Variants in SUPT6H observed in about 807,000 individuals in gnomAD.
The protein encoded by SUPT6H is SPT6 homolog, histone chaperone and transcription elongation factor.
Under a neutral mutation model 222.3 loss-of-function variants are expected in SUPT6H, and 11 were observed. That is an observed-to-expected ratio of 0.05 (90% CI 0.03 to 0.08). The LOEUF is 0.08. Ranked by LOEUF, SUPT6H falls within the 10% of genes least tolerant of loss-of-function variation. The pLI is 1.00. For missense variants in SUPT6H, 1,422 were observed against 2,216.0 expected, an observed-to-expected ratio of 0.64 and a Z score of 7.19; for synonymous variants, 762 against 801.2, an observed-to-expected ratio of 0.95 and a Z score of 0.83.
In SUPT6H at chr17:28,682,979, C is replaced by T. The variant is rs145911750; in HGVS notation, c.1765C>T (p.Arg589Cys). 2.2e-5 allele frequency: 36 copies of T among 1,613,218 alleles called. No homozygotes were observed. Among genetic ancestry groups the T allele is most frequent in the Middle Eastern group, 1.6e-4 (1 of 6,078 alleles). ...TCCAGAAGCTGTGCTAGAAGGCGCC[C>T]GCTACATGGTAGCCCTGCAGATTGC... Reference protein sequence around the residue: ...PTPEAVLEGARYMVALQIARE... With the variant: ...PTPEAVLEGACYMVALQIARE... Residue 589 changes from arginine (R) to cysteine (C), a missense_variant, in exon 15 of 37, where the codon CGC (arginine) becomes TGC (cysteine). By Grantham distance (180) the Arg-to-Cys change is radical. This residue lies in a region of SUPT6H where 121 missense variants were observed against 158.0 expected (regional missense o/e 0.77). Coordinates refer to ENST00000314616, the MANE Select transcript of SUPT6H (RefSeq NM_003170.5).
chr17:28,699,346 A>G (rs913258363), intron 32 of SUPT6H, among the ~76,000 whole-genome samples: 7 of 152,168 alleles, frequency 4.6e-5, no homozygotes, highest in African/African-American at 1.2e-4. Context: ...CTTAACAACT[A>G]TCTGCTACTC....
chr17:28,677,078 A>G (rs1034238288), intron 7 of SUPT6H, among the ~76,000 whole-genome samples: 1 of 152,020 alleles, frequency 6.6e-6, no homozygotes, highest in Non-Finnish European at 1.5e-5. Context: ...AAAATGTAAA[A>G]AATTAGCTGG....
chr17:28,683,747 C>T lies in SUPT6H; in HGVS notation c.2160C>T (p.Phe720=), dbSNP rs537916946. Residue 720 remains phenylalanine, a synonymous_variant, in exon 17 of 37, where the codon TTC becomes TTT. Coordinates refer to ENST00000314616, the MANE Select transcript of SUPT6H (RefSeq NM_003170.5). ...CCATCGAACGGGCTTTACAGCAGTT[C>T]CTCTATGTGCAGATGGCCAAAGAAC... The part of the protein sequence containing the change: ...TMAIERALQQ[F]LYVQMAKELK... 4 of 1,614,074 alleles carry T rather than the reference C, an allele frequency of 2.5e-6. No individual in the cohort carries two copies. In the East Asian group the frequency reaches 8.9e-5, roughly 36 times the overall value.
Position 28,683,671 on chromosome 17 carries a change from G to A in SUPT6H, c.2084G>A (p.Arg695Gln). ...YFEEIKQFYY[R>Q]DEFSHQVQEW... ...GAGGAGATAAAACAGTTTTACTACC[G>A]AGATGAGTTCAGCCACCAGGTGCAG... Residue 695 changes from arginine to glutamine, a missense_variant, in exon 17 of 37, where the codon CGA (arginine) becomes CAA (glutamine). Arg to Gln is a conservative substitution (Grantham distance 43, BLOSUM62 1). Transcript: ENST00000314616. The A allele has an allele frequency of 6.2e-7, 1 of 1,614,094 alleles. No homozygotes were observed. The highest frequency in any genetic ancestry group is 8.5e-7 in the Non-Finnish European group (1 of 1,180,018).
chr17:28,673,249 G>C (rs1172482123), intron 1 of SUPT6H, 122 bp from the exon 2 acceptor site: 1 of 597,680 alleles, frequency 1.7e-6, no homozygotes, highest in South Asian at 2.1e-5. Context: ...TTCTCCCCAA[G>C]TGGGAATGTT....
chr17:28,689,693 C>A, intron 25 of SUPT6H, 132 bp downstream of exon 25: 1 of 883,888 alleles, frequency 1.1e-6, no homozygotes, highest in Non-Finnish European at 1.7e-6. Context: ...CATCTCCCTG[C>A]CCTGCTCTAC....
Position 28,675,124 on chromosome 17 carries a change from C to T in SUPT6H, c.500C>T (p.Ala167Val). 6.2e-7 allele frequency: 1 copy of T among 1,613,346 alleles called. No homozygotes were observed. The highest frequency in any genetic ancestry group is 2.2e-5 in the East Asian group (1 of 44,858). ...EGQEAMEAPM[A>V]PPEEEEEDDE... ...CAGGAGGCCATGGAGGCCCCCATGG[C>T]TCCTCCAGAGGAGGAGGAAGAAGAT... The change falls in exon 5 of 37, where the codon GCT becomes GTT. Residue 167 changes from alanine (A) to valine (V), a missense_variant. Coordinates refer to ENST00000314616, the MANE Select transcript of SUPT6H (RefSeq NM_003170.5).
chr17:28,665,637 C>T (rs2029968216), intron 1 of SUPT6H, among the ~76,000 whole-genome samples: 1 of 152,142 alleles, frequency 6.6e-6, no homozygotes, highest in African/African-American at 2.4e-5. Context: ...GTGGTGGGTG[C>T]CTGTAATCCC....
intron 2 of SUPT6H, 26 bp from the exon 3 acceptor site, chr17:28,674,254 TCCA>T (rs777580622): frequency 1.2e-6 from 2 of 1,613,524 alleles, no homozygotes; most frequent in Non-Finnish European, 1.7e-6. Context: ...TTTTTCAGTC[TCCA>T]TGCCTCAAAC....
In SUPT6H at chr17:28,678,293, C is replaced by G. The variant is rs559286873; in HGVS notation, c.1116+101C>G. On this transcript the variant is annotated intron_variant, in intron 9 of 36. Transcript: ENST00000314616. ...GAGGTGGGAGCCCCCTTCCCGTATC[C>G]CCTATCCATGACTCAACAAGTGTTA... 1.8e-5 allele frequency: 19 copies of G among 1,082,872 alleles called. No homozygotes were observed. The South Asian group carries it at 2.5e-4, about 15-fold the overall frequency. The allele number at this position is 1,082,872 out of a possible 1,614,324, so 67.1% of individuals were successfully genotyped here. A position where few individuals can be genotyped will look rare whatever the true frequency, so the allele number is the denominator to read the frequency against.
intron 1 of SUPT6H, among the ~76,000 whole-genome samples, chr17:28,663,985 C>A (rs1023334753): frequency 6.6e-6 from 1 of 151,432 alleles, no homozygotes; most frequent in Admixed American, 6.6e-5. Context: ...TCTACTTTGC[C>A]CACTCCATTG....
intron 32 of SUPT6H, among the ~76,000 whole-genome samples, chr17:28,698,912 CTG>C (rs933797923): frequency 4.6e-5 from 7 of 152,038 alleles, no homozygotes; most frequent in African/African-American, 1.4e-4. Context: ...GGGCTGGAAA[CTG>C]TGTCCTGTGT....
chr17:28,684,874 T>C lies in SUPT6H; in HGVS notation c.2400T>C (p.Asn800=), dbSNP rs1276819197. The C allele has an allele frequency of 5.6e-6, 9 of 1,614,116 alleles. No individual in the cohort carries two copies. The African/African-American group carries it at 9.3e-5, about 17-fold the overall frequency. Reference sequence around the variant, plus strand: ...ACCCTGTGTTCTGCGCCCTGGTCAATGGTGAAGGAGAAGTGACAGACTTCC... The same window carrying C: ...ACCCTGTGTTCTGCGCCCTGGTCAACGGTGAAGGAGAAGTGACAGACTTCC... ...RDHPVFCALV[N]GEGEVTDFLR... is the part of the protein sequence containing the mutation. Residue 800 remains asparagine (N), a synonymous_variant, in exon 19 of 37, where the codon AAT becomes AAC. Transcript: ENST00000314616.
intron 28 of SUPT6H, among the ~76,000 whole-genome samples, chr17:28,694,770 T>G (rs1306011480): frequency 6.6e-6 from 1 of 151,972 alleles, no homozygotes; most frequent in Non-Finnish European, 1.5e-5. Context: ...GAGGCCAAGG[T>G]GGGTGAAGTC....
At chr17:28,676,086 A>C (rs571027677) in intron 6 of SUPT6H, 71 bp from the exon 7 acceptor site, 22 of 1,497,402 alleles carry the variant, frequency 1.5e-5, no homozygotes, top group East Asian at 2.3e-5. Context: ...CAAGTAAAGG[A>C]TCTATGCAAG....
rs878953335 is a variant in SUPT6H, at chr17:28,662,209, A to G, written c.-165A>G. ...GAGCCGGAAATGACGTAGCACGTTG[A>G]CGCAGCAGCGGCGGCGGTGGCGGCG... On this transcript the variant is annotated 5_prime_UTR_variant, in exon 1 of 37. Coordinates refer to ENST00000314616, the MANE Select transcript of SUPT6H (RefSeq NM_003170.5). 1.3e-5 allele frequency: 3 copies of G among 236,260 alleles called. No individual in the cohort carries two copies. Among genetic ancestry groups the G allele is most frequent in the South Asian group, 7.2e-5 (1 of 13,848 alleles). The allele number at this position is 236,260 out of a possible 1,614,324, so 14.6% of individuals were successfully genotyped here.
At position 28,673,720 on chromosome 17, in the gene SUPT6H, T is replaced by C. The variant is rs1436011433; in HGVS notation, c.109+210T>C. On this transcript the variant is annotated intron_variant, in intron 2 of 36. Transcript: ENST00000314616. ...GGAACTAGAAATATAAAACAATAAATATCCAGCTATTGTGGAGTTTACTTT... is the reference window on the plus strand; with the variant it reads ...GGAACTAGAAATATAAAACAATAAACATCCAGCTATTGTGGAGTTTACTTT... 6 of 535,490 alleles carry C rather than the reference T, an allele frequency of 1.1e-5. No homozygotes were observed. In the Admixed American group the frequency reaches 2.0e-4, roughly 18 times the overall value. 33.2% of individuals were successfully genotyped at this position (535,490 alleles called of 1,614,324 possible).
chr17:28,682,384 G>A (rs1053089602), intron 13 of SUPT6H, among the ~76,000 whole-genome samples: 3 of 152,070 alleles, frequency 2.0e-5, no homozygotes, highest in Non-Finnish European at 4.4e-5. Flanking sequence ...CCAGCACTTC[G>A]GAGGTCAAGG....
chr17:28,697,073 C>T lies in SUPT6H; in HGVS notation c.4200C>T (p.Ile1400=). The change falls in exon 30 of 37, where the codon ATC becomes ATT. Residue 1400 remains isoleucine (I), a synonymous_variant. Coordinates refer to ENST00000314616, the MANE Select transcript of SUPT6H (RefSeq NM_003170.5). ...TCAGCCTGGGAGCCACTCTGTGGAT[C>T]AACAGTGAGGTGAGAGCCAGTGCCT... ...NAFSLGATLW[I]NSEEFEDLDE... 1.9e-6 allele frequency: 3 copies of T among 1,613,888 alleles called. No homozygotes were observed. Among genetic ancestry groups the T allele is most frequent in the Non-Finnish European group, 2.5e-6 (3 of 1,179,950 alleles).
Sources: allele counts gnomAD v4.1 joint callset (sites outside exome capture counted in the v4.1 genomes callset), GRCh38; gene constraint gnomAD v4.1.1; regional missense constraint gnomAD v4.1.1; transcripts MANE v1.5; gene names NCBI Gene and HGNC (gene_info 2026-07-23, HGNC 2026-07-21).